LLGL1: variants seen among roughly 807,000 people sequenced by gnomAD.
The protein encoded by LLGL1 is lethal(2) giant larvae protein homolog 1.
A neutral mutation model predicts 110.6 loss-of-function variants in LLGL1; 58 were observed. The ratio of observed to expected loss-of-function variants is 0.52; its 90% CI spans 0.42 to 0.65. The LOEUF is 0.65. Ranked by LOEUF, LLGL1 falls within the 30% of genes least tolerant of loss-of-function variation. The pLI, the probability that LLGL1 is intolerant of heterozygous loss-of-function variation, is 0.00. For missense variants in LLGL1, 1,229 were observed against 1,462.1 expected (o/e 0.84, Z 2.60); for synonymous variants, 674 against 607.2 (o/e 1.11, Z -1.62).
intron 1 of LLGL1, among the ~76,000 whole-genome samples, chr17:18,228,973 G>A (rs1436837898): frequency 6.6e-6 from 1 of 152,178 alleles, no homozygotes; most frequent in Non-Finnish European, 1.5e-5. Flanking sequence ...CGCGTTACAG[G>A]CTGGGAACTG....
intron 4 of LLGL1, among the ~76,000 whole-genome samples, chr17:18,233,452 C>T (rs1555554146): frequency 6.6e-6 from 1 of 152,086 alleles, no homozygotes; most frequent in Non-Finnish European, 1.5e-5. Context: ...CAGCGGGATT[C>T]CTAGGAGGGG....
chr17:18,233,020 G>T (rs1300101868), intron 4 of LLGL1, among the ~76,000 whole-genome samples: 2 of 152,254 alleles, frequency 1.3e-5, no homozygotes, highest in African/African-American at 4.8e-5. Flanking sequence ...TGAGTCCGAC[G>T]TGAGCAGGTA....
chr17:18,240,126 G>A lies in LLGL1; in HGVS notation c.2207-452G>A, dbSNP rs35062334. ...GACAGTGGGGGTGAAGCAGGGCTAA[G>A]ACAAGGCACACCTGTCGACAGGACT... On this transcript the variant is annotated intron_variant, in intron 16 of 22. Coordinates refer to ENST00000316843, the MANE Select transcript of LLGL1 (RefSeq NM_004140.4). The surrounding 1 kb of genome is among the most constrained non-coding windows in gnomAD (Gnocchi z 5.3). Among the ~76,000 whole-genome samples the A allele has an allele frequency of 5.9e-3, 902 of 152,192 alleles. 8 individuals are homozygous for A. Among genetic ancestry groups the A allele is most frequent in the Middle Eastern group, 0.024 (7 of 292 alleles).
At chr17:18,226,993 G>A (rs1285828951) in intron 1 of LLGL1, among the ~76,000 whole-genome samples, 1 of 152,244 alleles carries the variant, frequency 6.6e-6, no homozygotes. Flanking sequence ...TCTTTCTTGA[G>A]TTCTTGTGTC....
In LLGL1 at chr17:18,240,458, T is replaced by C; in HGVS notation, c.2207-120T>C. On this transcript the variant is annotated intron_variant, in intron 16 of 22. Transcript: ENST00000316843. The surrounding 1 kb of genome is among the most constrained non-coding windows in gnomAD (Gnocchi z 5.3). ...AGGGAATCAGCCCTGAGTCCCAGGG[T>C]GTCATAGTTAGGAAGCAGGGCTACA... 1.7e-6 allele frequency: 2 copies of C among 1,195,590 alleles called. No individual in the cohort carries two copies. Among genetic ancestry groups the C allele is most frequent in the Non-Finnish European group, 2.3e-6 (2 of 863,834 alleles). The allele number at this position is 1,195,590 out of a possible 1,614,324, so 74.1% of individuals were successfully genotyped here. A position where few individuals can be genotyped will look rare whatever the true frequency, so the allele number is the denominator to read the frequency against.
rs1567700333 is a variant in LLGL1 at position 18,244,736 on chromosome 17, A to AGGGGGGGGGGGGGGGGTG, written c.*840_*841insGGGGGGTGGGGGGGGGGG. On this transcript the variant is annotated 3_prime_UTR_variant, in exon 23 of 23. Transcript: ENST00000316843. ...TGTGTGTCCGGCGGGGGGGGGGGGC[A>AGGGGGGGGGGGGGGGGTG]GGGGGGGGGGTCAAGATGAGTTTCC... The AGGGGGGGGGGGGGGGGTG allele has an allele frequency of 9.8e-5, 1 of 10,212 alleles. No individual in the cohort carries two copies. The highest frequency in any genetic ancestry group is 3.4e-4 in the African/African-American group (1 of 2,942). The allele number at this position is 10,212 out of a possible 1,614,324, so 0.6% of individuals were successfully genotyped here. A position where few individuals can be genotyped will look rare whatever the true frequency, so the allele number is the denominator to read the frequency against.
intron 17 of LLGL1, 52 bp from the exon 18 acceptor site, chr17:18,241,399 C>G: frequency 6.4e-7 from 1 of 1,569,170 alleles, no homozygotes; most frequent in Admixed American, 1.7e-5. Flanking sequence ...GTGAGGGGCC[C>G]TGGGGACGAG....
chr17:18,225,719 C>T lies in LLGL1; in HGVS notation c.37C>T (p.Pro13Ser). Reference protein sequence around the residue: ...KFRFRRQGADPQREKLKQELF... With the variant: ...KFRFRRQGADSQREKLKQELF... ...TCGGTTCCGGCGGCAGGGCGCCGACCCGCAGCGCGAGAAGCTCAAGCAGGA... is the reference window on the plus strand; with the variant it reads ...TCGGTTCCGGCGGCAGGGCGCCGACTCGCAGCGCGAGAAGCTCAAGCAGGA... Residue 13 changes from proline to serine, a missense_variant, in exon 1 of 23, where the codon CCG (proline) becomes TCG (serine). Physicochemically the swap from Pro to Ser is moderately conservative, Grantham distance 74. Transcript: ENST00000316843. The T allele has an allele frequency of 9.4e-7, 1 of 1,063,136 alleles. No homozygotes were observed. Among genetic ancestry groups the T allele is most frequent in the Non-Finnish European group, 1.2e-6 (1 of 868,850 alleles). The allele number at this position is 1,063,136 out of a possible 1,614,324, so 65.9% of individuals were successfully genotyped here.
At chr17:18,227,466 C>T (rs781722987) in intron 1 of LLGL1, among the ~76,000 whole-genome samples, 1 of 151,970 alleles carries the variant, frequency 6.6e-6, no homozygotes, top group Non-Finnish European at 1.5e-5. Flanking sequence ...CAGTCCACTG[C>T]AGCCTCACAA....
chr17:18,235,916 C>A (rs1468442448), intron 11 of LLGL1: 6 of 253,792 alleles, frequency 2.4e-5, no homozygotes, highest in East Asian at 9.9e-5. Context: ...GCCCTGCCCC[C>A]ACTCCCGCCT....
At position 18,232,655 on chromosome 17, in the gene LLGL1, C is replaced by A; in HGVS notation, c.262-17C>A. The A allele has an allele frequency of 6.2e-7, 1 of 1,614,168 alleles. No homozygotes were observed. Among genetic ancestry groups the A allele is most frequent in the East Asian group, 2.2e-5 (1 of 44,888 alleles). On this transcript the variant is annotated splice_polypyrimidine_tract_variant and intron_variant, in intron 3 of 22. Transcript: ENST00000316843. ...CCCCCTAGGCCAGCCTAGTTTTCATCTCTGCTCACACACCAGGGCCGCCTC... is the reference window on the plus strand; with the variant it reads ...CCCCCTAGGCCAGCCTAGTTTTCATATCTGCTCACACACCAGGGCCGCCTC...
chr17:18,233,103 C>T (rs933796112), intron 4 of LLGL1, among the ~76,000 whole-genome samples: 1 of 152,222 alleles, frequency 6.6e-6, no homozygotes, highest in African/African-American at 2.4e-5. Flanking sequence ...TGGCACTACA[C>T]TTACTGCAAT....
chr17:18,228,299 T>C (rs7211573), intron 1 of LLGL1, among the ~76,000 whole-genome samples: 118,700 of 152,196 alleles, frequency 0.78, 46,492 homozygotes, highest in African/African-American at 0.84. Flanking sequence ...AGATTACTCC[T>C]GAGCGACAGG....
chr17:18,241,049 C>G (rs911860136), intron 17 of LLGL1, 176 bp downstream of exon 17: 4 of 679,866 alleles, frequency 5.9e-6, no homozygotes, highest in Admixed American at 3.1e-5. Context: ...ACCCAAGAAC[C>G]CTGATGCCCC....
intron 7 of LLGL1, 42 bp downstream of exon 7, chr17:18,234,450 G>A (rs1313460880): frequency 1.2e-6 from 2 of 1,603,020 alleles, no homozygotes; most frequent in Admixed American, 1.7e-5. Flanking sequence ...GGTGATGGGA[G>A]GGGGCACCAC....
chr17:18,243,225 A>G (rs555945149), intron 22 of LLGL1, among the ~76,000 whole-genome samples: 3 of 152,244 alleles, frequency 2.0e-5, no homozygotes, highest in African/African-American at 7.2e-5. Context: ...CTCCTGCCTC[A>G]GCCTCCTGAG....
chr17:18,232,023 C>T (rs2047582416), intron 2 of LLGL1, among the ~76,000 whole-genome samples: 1 of 152,226 alleles, frequency 6.6e-6, no homozygotes, highest in Non-Finnish European at 1.5e-5. Flanking sequence ...AGCCTGGACT[C>T]TTCTGCCCCC....
At chr17:18,230,679 C>T (rs1339213261) in intron 2 of LLGL1, among the ~76,000 whole-genome samples, 1 of 152,196 alleles carries the variant, frequency 6.6e-6, no homozygotes, top group Non-Finnish European at 1.5e-5. Flanking sequence ...GTGCCAGGGT[C>T]TGGCTGATGG....
rs533119896 is a variant in LLGL1 at position 18,241,591 on chromosome 17, C to T, written c.2643C>T (p.Leu881=). The T allele has an allele frequency of 1.9e-6, 3 of 1,613,854 alleles. No homozygotes were observed. The South Asian group carries it at 3.3e-5, about 18-fold the overall frequency. ...EDYAETCLAC[L]TNLGDVHVFS... ...ATGCTGAGACCTGCCTGGCCTGCCTCACCAACCTGGGTGACGTCCACGTCT... is the reference window on the plus strand; with the variant it reads ...ATGCTGAGACCTGCCTGGCCTGCCTTACCAACCTGGGTGACGTCCACGTCT... Residue 881 remains leucine (L), a synonymous_variant, in exon 18 of 23, where the codon CTC becomes CTT. Transcript: ENST00000316843.
Sources: gnomAD v4.1 joint callset for allele counts (sites outside exome capture counted in the v4.1 genomes callset) on GRCh38, gnomAD v4.1.1 for gene constraint, Gnocchi (gnomAD v3.1) non-coding constraint, MANE v1.5 for transcripts, NCBI Gene and HGNC (gene_info 2026-07-23, HGNC 2026-07-21) for gene names.